Variants in CELF2 observed in about 807,000 individuals in gnomAD.
CELF2 encodes CUG triplet repeat RNA-binding protein 2.
A neutral mutation model predicts 62.6 loss-of-function variants in CELF2; 8 were observed. The ratio of observed to expected loss-of-function variants is 0.13; its 90% confidence interval spans 0.07 to 0.23. The LOEUF is 0.23. CELF2 is among the 10% of genes least tolerant of loss of function. The probability of loss-of-function intolerance (pLI) is 1.00; values close to 1 mark genes in which losing one functional copy is unlikely to be tolerated. For missense variants in CELF2, 333 were observed against 671.0 expected, an observed-to-expected ratio of 0.50 and a Z score of 5.56; for synonymous variants, 258 against 250.0, an observed-to-expected ratio of 1.03 and a Z score of -0.30.
the CELF2 span, among the ~76,000 whole-genome samples, chr10:10,696,566 G>A: frequency 1.3e-5 from 2 of 151,714 alleles, no homozygotes; most frequent in African/African-American, 4.8e-5. Context: ...GTTTACCTAA[G>A]CAAGCCTGGG....
chr10:11,086,106 T>C (rs1220950003), intron 1 of CELF2, among the ~76,000 whole-genome samples: 1 of 152,186 alleles, frequency 6.6e-6, no homozygotes, highest in Non-Finnish European at 1.5e-5. Context: ...GACTCTTCTT[T>C]CATGGTGTTC....
chr10:10,769,325 A>G, the CELF2 span, among the ~76,000 whole-genome samples: 1 of 152,180 alleles, frequency 6.6e-6, no homozygotes, highest in Non-Finnish European at 1.5e-5. Context: ...TTCCAAGTAG[A>G]GAGAATCACC....
chr10:11,186,709 T>C (rs941597724), intron 2 of CELF2, among the ~76,000 whole-genome samples: 4 of 152,168 alleles, frequency 2.6e-5, no homozygotes, highest in Non-Finnish European at 5.9e-5. Flanking sequence ...TCAAAGGAAA[T>C]GTTCATTGGA....
At chr10:10,836,827 G>A (rs773611091) in intron 1 of CELF2, among the ~76,000 whole-genome samples, 31 of 152,216 alleles carry the variant, frequency 2.0e-4, no homozygotes, top group Middle Eastern at 6.8e-3. Flanking sequence ...AATAGAGATG[G>A]GGTTTCACCG....
At chr10:11,241,521 C>G (rs925134238) in intron 3 of CELF2, among the ~76,000 whole-genome samples, 20 of 152,306 alleles carry the variant, frequency 1.3e-4, no homozygotes, top group African/African-American at 4.1e-4. Context: ...ATTGATCTGA[C>G]AGATTATTTT....
intron 2 of CELF2, among the ~76,000 whole-genome samples, chr10:11,194,300 G>A (rs1028235247): frequency 2.4e-4 from 36 of 152,108 alleles, no homozygotes; most frequent in Admixed American, 2.1e-3. Context: ...TCTTGACCTC[G>A]TGATCCACCT....
At chr10:11,118,968 T>C (rs2057154775) in intron 1 of CELF2, among the ~76,000 whole-genome samples, 1 of 152,240 alleles carries the variant, frequency 6.6e-6, no homozygotes, top group Non-Finnish European at 1.5e-5. Context: ...CAGTCTCCGA[T>C]GGTGACTTCA....
chr10:10,675,215 C>T, the CELF2 span, among the ~76,000 whole-genome samples: 2 of 152,104 alleles, frequency 1.3e-5, no homozygotes, highest in South Asian at 4.1e-4. Flanking sequence ...CTAAGAAAGT[C>T]CTTATTTCTC....
At chr10:10,893,823 C>A (rs140603672) in intron 1 of CELF2, among the ~76,000 whole-genome samples, 4 of 152,036 alleles carry the variant, frequency 2.6e-5, no homozygotes, top group African/African-American at 7.2e-5. Context: ...AGAACAGCAC[C>A]GAGGGGATGG....
chr10:10,783,995 A>C, the CELF2 span, among the ~76,000 whole-genome samples: 1 of 152,150 alleles, frequency 6.6e-6, no homozygotes, highest in African/African-American at 2.4e-5. Context: ...CCAAAAAAAA[A>C]AAATAAATAA....
In CELF2 at chr10:10,931,825, A is replaced by G. The variant is rs1015794602; in HGVS notation, c.89+11826A>G. ...GTAATTTATAAAGACATGAGGTTTAATGGACTCACAGTTCCACATGGCTAG... is the reference window on the plus strand; with the variant it reads ...GTAATTTATAAAGACATGAGGTTTAGTGGACTCACAGTTCCACATGGCTAG... On this transcript the variant is annotated intron_variant, in intron 2 of 13. Transcript: ENST00000636488. The surrounding 1 kb of genome is among the most constrained non-coding windows in gnomAD (Gnocchi z 6.1). Among the ~76,000 whole-genome samples the G allele has an allele frequency of 6.6e-6, 1 of 152,228 alleles. No individual in the cohort carries two copies. The highest frequency in any genetic ancestry group is 1.5e-5 in the Non-Finnish European group (1 of 68,034).
chr10:10,588,361 C>G, the CELF2 span, among the ~76,000 whole-genome samples: 4 of 152,242 alleles, frequency 2.6e-5, no homozygotes, highest in African/African-American at 2.4e-5. Flanking sequence ...TTGTCCCACA[C>G]TGGCTGAGAG....
intron 2 of CELF2, among the ~76,000 whole-genome samples, chr10:10,985,017 C>T (rs888381577): frequency 6.6e-6 from 1 of 152,128 alleles, no homozygotes; most frequent in East Asian, 1.9e-4. Context: ...TCAAACTTTT[C>T]GAGGAAATAT....
At chr10:10,714,297 C>T in the CELF2 span, among the ~76,000 whole-genome samples, 1 of 152,138 alleles carries the variant, frequency 6.6e-6, no homozygotes, top group Non-Finnish European at 1.5e-5. Flanking sequence ...CCAACATCAT[C>T]AGCATTTTCT....
chr10:11,150,669 G>C (rs2063160981), intron 1 of CELF2, among the ~76,000 whole-genome samples: 1 of 152,208 alleles, frequency 6.6e-6, no homozygotes, highest in African/African-American at 2.4e-5. Flanking sequence ...CAAAACACCT[G>C]GGCAGCCATT....
At chr10:10,725,898 TAAAAA>T in the CELF2 span, among the ~76,000 whole-genome samples, 1 of 145,438 alleles carries the variant, frequency 6.9e-6, no homozygotes, top group Non-Finnish European at 1.5e-5. Flanking sequence ...ATTCTACAAT[TAAAAA>T]AAAAAAGAGT....
In CELF2 at chr10:11,039,447, A is replaced by G. The variant is rs2061465438; in HGVS notation, c.74+21284A>G. Among the ~76,000 whole-genome samples the G allele has an allele frequency of 6.6e-6, 1 of 152,230 alleles. No homozygotes were observed. ...TGCTGGTTGTGTGAATTATACCATT[A>G]GGGTGGTGAGCTATGTAGTCACGGT... is the stretch of plus-strand genomic sequence containing the variant. On this transcript the variant is annotated intron_variant, in intron 1 of 12. Coordinates refer to ENST00000633077, the MANE Select transcript of CELF2 (RefSeq NM_001326342.2). The surrounding 1 kb of genome is among the most constrained non-coding windows in gnomAD (Gnocchi z 4.1).
At chr10:10,956,491 T>C (rs1009301440) in intron 2 of CELF2, among the ~76,000 whole-genome samples, 2 of 152,246 alleles carry the variant, frequency 1.3e-5, no homozygotes, top group African/African-American at 4.8e-5. Context: ...CTGTTTCTGC[T>C]GCTTTTAAGC....
chr10:11,076,270 C>G (rs1417225180), intron 1 of CELF2, among the ~76,000 whole-genome samples: 1 of 151,928 alleles, frequency 6.6e-6, no homozygotes, highest in Non-Finnish European at 1.5e-5. Context: ...GGATACTATA[C>G]AGAACTTTGT....
Sources: gnomAD v4.1 joint callset for allele counts (sites outside exome capture counted in the v4.1 genomes callset) on GRCh38, gnomAD v4.1.1 for gene constraint, Gnocchi (gnomAD v3.1) non-coding constraint, MANE v1.5 for transcripts, NCBI Gene and HGNC (gene_info 2026-07-23, HGNC 2026-07-21) for gene names.